The following HYKK variants were observed in gnomAD, a reference collection of about 807,000 sequenced individuals.
HYKK encodes 5-hydroxy-L-lysine kinase.
HYKK carries 19 observed loss-of-function variants against 29.7 expected under a neutral mutation model. The ratio of observed to expected loss-of-function variants is 0.64; its 90% CI spans 0.45 to 0.94. HYKK has a LOEUF of 0.94. Among genes scored for constraint, HYKK ranks in the 40% least tolerant of loss-of-function variants. The probability of loss-of-function intolerance (pLI) is 0.00; values close to 1 mark genes in which losing one functional copy is unlikely to be tolerated. For synonymous variants in HYKK, 152 were observed against 158.1 expected, an observed-to-expected ratio of 0.96 and a Z score of 0.29; for missense variants, 390 against 443.4, an observed-to-expected ratio of 0.88 and a Z score of 1.08.
chr15:78,530,831 A>G (rs989881397), intron 4 of HYKK, among the ~76,000 whole-genome samples: 7 of 151,630 alleles, frequency 4.6e-5, no homozygotes, highest in Non-Finnish European at 7.4e-5. Context: ...GCATAAGCCA[A>G]TGCACTCAGC....
At position 78,533,663 on chromosome 15, in the gene HYKK, C is replaced by T. The variant is rs1020488479; in HGVS notation, c.1115C>T (p.Ser372Phe). Residue 372 changes from serine (S) to phenylalanine (F), a missense_variant, in exon 5 of 5, where the codon TCC (serine) becomes TTC (phenylalanine). Coordinates refer to ENST00000388988, the MANE Select transcript of HYKK (RefSeq NM_001013619.4). ...GCCAAATCCTATGAATCTGGGATCT[C>T]CATGTGACTGAGATCTCCATGTGAC... ...ETAKSYESGISM is the reference protein window; with the variant it reads ...ETAKSYESGIFM 1.2e-6 allele frequency: 2 copies of T among 1,609,506 alleles called. No homozygotes were observed. The highest frequency in any genetic ancestry group is 2.7e-5 in the African/African-American group (2 of 74,794).
At position 78,515,767 on chromosome 15, in the gene HYKK, T is replaced by G. The variant is rs529155270; in HGVS notation, c.477+660T>G. 9.1e-4 allele frequency among the ~76,000 whole-genome samples: 139 copies of G among 152,102 alleles called. No homozygotes were observed. In the South Asian group the frequency reaches 0.012, roughly 13 times the overall value. ...CCACGCCCGGCTAATTTTTTGTATT[T>G]TTAGTAGAGACGAGGTTTCACTGTG... On this transcript the variant is annotated intron_variant, in intron 3 of 4. Transcript: ENST00000388988.
intron 3 of HYKK, among the ~76,000 whole-genome samples, chr15:78,518,926 A>C (rs978495186): frequency 1.3e-5 from 2 of 152,040 alleles, no homozygotes; most frequent in African/African-American, 2.4e-5. Flanking sequence ...AAAAAAAAAA[A>C]AAAAAAAAAC....
At chr15:78,525,378 G>A (rs532262180) in intron 3 of HYKK, among the ~76,000 whole-genome samples, 17 of 151,976 alleles carry the variant, frequency 1.1e-4, no homozygotes, top group African/African-American at 3.9e-4. Context: ...GGATGGTCTC[G>A]ATCTCCTGAC....
chr15:78,513,224 C>A lies in HYKK; in HGVS notation c.136C>A (p.Gln46Lys). 6.2e-7 allele frequency: 1 copy of A among 1,614,106 alleles called. No individual in the cohort carries two copies. The change falls in exon 2 of 5, where the codon CAA (glutamine) becomes AAA (lysine). Residue 46 changes from glutamine (Q) to lysine (K), a missense_variant. Transcript: ENST00000388988. ...CCGGCCACTTCCTAGCTATGATGAC[C>A]AAAACTTTCATGTCTACGTTTCAAA... ...KVRPLPSYDDQNFHVYVSKTK... is the reference protein window; with the variant it reads ...KVRPLPSYDDKNFHVYVSKTK...
intron 1 of HYKK, among the ~76,000 whole-genome samples, chr15:78,508,154 GT>G (rs2141550073): frequency 6.6e-6 from 1 of 152,272 alleles, no homozygotes; most frequent in African/African-American, 2.4e-5. Flanking sequence ...GTAATGCACT[GT>G]TGTCTTTGAA....
rs776678538 is a variant in HYKK, at chr15:78,527,529, G to A, written c.627G>A (p.Glu209=). 61 of 1,613,926 alleles carry A rather than the reference G, an allele frequency of 3.8e-5. No homozygotes were observed. In the South Asian group the frequency reaches 6.3e-4, roughly 17 times the overall value. ...IVEHVIHLFK[E]EVMTKLSHFR... ...AGCATGTCATTCATCTGTTCAAGGAGGAAGTAATGACCAAATTAAGTCATT... is the reference window on the plus strand; with the variant it reads ...AGCATGTCATTCATCTGTTCAAGGAAGAAGTAATGACCAAATTAAGTCATT... Residue 209 remains glutamate (E), a synonymous_variant, in exon 4 of 5, where the codon GAG becomes GAA. Coordinates refer to ENST00000388988, the MANE Select transcript of HYKK (RefSeq NM_001013619.4).
intron 3 of HYKK, among the ~76,000 whole-genome samples, chr15:78,520,460 C>T (rs577296016): frequency 6.6e-6 from 1 of 152,246 alleles, no homozygotes; most frequent in Admixed American, 6.5e-5. Context: ...ATGCTGCCTT[C>T]AAGCATCTGT....
chr15:78,515,823 C>T (rs192716270), intron 3 of HYKK, among the ~76,000 whole-genome samples: 2,185 of 152,138 alleles, frequency 0.014, 196 homozygotes, highest in Admixed American at 0.13. Flanking sequence ...CTCCTGACCT[C>T]GTGATCCACC....
chr15:78,519,715 C>T (rs543792644), intron 3 of HYKK, among the ~76,000 whole-genome samples: 18 of 152,090 alleles, frequency 1.2e-4, no homozygotes, highest in East Asian at 9.6e-4. Context: ...GAGGCGAGAC[C>T]GCACCACTGC....
At chr15:78,528,437 C>T in intron 4 of HYKK, 1 of 985,394 alleles carries the variant, frequency 1.0e-6, no homozygotes, top group Non-Finnish European at 1.2e-6. Flanking sequence ...CCTGTGTACA[C>T]AGACAGGTGT....
chr15:78,531,259 A>G (rs754831122), intron 4 of HYKK, among the ~76,000 whole-genome samples: 1 of 152,210 alleles, frequency 6.6e-6, no homozygotes, highest in Non-Finnish European at 1.5e-5. Flanking sequence ...TCAATTCAAA[A>G]GTACTTTATC....
intron 3 of HYKK, 44 bp downstream of exon 3, chr15:78,515,151 CTTG>C (rs1351149310): frequency 1.4e-6 from 2 of 1,415,314 alleles, no homozygotes; most frequent in Non-Finnish European, 1.9e-6. Context: ...TGTTTGTTTG[CTTG>C]TTATTTTATT....
intron 1 of HYKK, 35 bp from the exon 2 acceptor site, chr15:78,513,049 G>A (rs199942521): frequency 9.3e-7 from 1 of 1,073,070 alleles, no homozygotes; most frequent in Non-Finnish European, 1.4e-6. Flanking sequence ...TTCATCCTGT[G>A]TCCCCTTTCT....
chr15:78,508,476 T>C lies in HYKK; in HGVS notation c.-6+805T>C, dbSNP rs1294577959. On this transcript the variant is annotated intron_variant, in intron 1 of 4. Transcript: ENST00000388988. ...GACTCCTGTTTCTTGTCTGGTATAC[T>C]TTGCACAAAGTACAGAGCTTAAGTT... is the stretch of plus-strand genomic sequence containing the variant. Among the ~76,000 whole-genome samples, 6 of 152,258 alleles carry C rather than the reference T, an allele frequency of 3.9e-5. No individual in the cohort carries two copies. In the East Asian group the frequency reaches 1.2e-3, roughly 29 times the overall value.
intron 3 of HYKK, 69 bp from the exon 4 acceptor site, chr15:78,527,311 A>G: frequency 8.4e-7 from 1 of 1,194,548 alleles, no homozygotes; most frequent in Non-Finnish European, 1.2e-6. Context: ...AAAAATGTGC[A>G]GCACCTCCCA....
Position 78,525,659 on chromosome 15 carries a change from G to A in HYKK, c.478-1721G>A, listed in dbSNP as rs765673633. The stretch of plus-strand genomic sequence containing the variant: ...ACTACAGGCACCCACCACCATGCCT[G>A]GCTAATTTTGTGTATTTTTAGTAGA... On this transcript the variant is annotated intron_variant, in intron 3 of 4. Coordinates refer to ENST00000388988, the MANE Select transcript of HYKK (RefSeq NM_001013619.4). Among the ~76,000 whole-genome samples the A allele has an allele frequency of 1.1e-4, 16 of 151,884 alleles. No homozygotes were observed. In the South Asian group the frequency reaches 1.2e-3, roughly 12 times the overall value.
intron 3 of HYKK, among the ~76,000 whole-genome samples, chr15:78,525,860 G>A (rs994887813): frequency 2.0e-5 from 3 of 152,182 alleles, no homozygotes; most frequent in Admixed American, 2.0e-4. Context: ...GTTGTTTACT[G>A]AGACTTTTTC....
chr15:78,521,108 C>G (rs1334176848), intron 3 of HYKK, among the ~76,000 whole-genome samples: 1 of 152,194 alleles, frequency 6.6e-6, no homozygotes, highest in East Asian at 1.9e-4. Context: ...GAGGCTGTGG[C>G]TGCTCTGCTG....
Sources: allele counts gnomAD v4.1 joint callset (sites outside exome capture counted in the v4.1 genomes callset), GRCh38; gene constraint gnomAD v4.1.1; transcripts MANE v1.5; gene names NCBI Gene and HGNC (gene_info 2026-07-23, HGNC 2026-07-21).